The following ALOX15B variants were observed in gnomAD, a reference collection of about 807,000 sequenced individuals.
The protein encoded by ALOX15B is polyunsaturated fatty acid lipoxygenase ALOX15B.
Under a neutral mutation model 73.8 loss-of-function variants are expected in ALOX15B, and 74 were observed. That is an observed-to-expected ratio of 1.00 (90% confidence interval 0.83 to 1.22). ALOX15B has a LOEUF of 1.22. Among genes scored for constraint, ALOX15B ranks in the 50% most tolerant of loss-of-function variants. The pLI, the probability that ALOX15B is intolerant of heterozygous loss-of-function variation, is 0.00. For missense variants in ALOX15B, 896 were observed against 859.9 expected (o/e 1.04, Z -0.52); for synonymous variants, 353 against 357.2 (o/e 0.99, Z 0.13).
intron 3 of ALOX15B, among the ~76,000 whole-genome samples, chr17:8,040,337 G>A (rs1204674793): frequency 6.6e-6 from 1 of 151,974 alleles, no homozygotes; most frequent in East Asian, 1.9e-4. Context: ...TGGAGGTCGG[G>A]AGTTCGAGAC....
chr17:8,047,125 G>A, intron 10 of ALOX15B, 49 bp downstream of exon 10: 2 of 1,610,950 alleles, frequency 1.2e-6, no homozygotes, highest in Non-Finnish European at 1.7e-6. Context: ...GACGTGGGAA[G>A]ACAGGAAAGG....
chr17:8,044,769 C>A, intron 5 of ALOX15B, 60 bp from the exon 6 acceptor site: 3 of 1,209,350 alleles, frequency 2.5e-6, no homozygotes, highest in Non-Finnish European at 3.5e-6. Flanking sequence ...CCCGTGTCCC[C>A]CACCCCCTGC....
chr17:8,041,448 T>A lies in ALOX15B; in HGVS notation c.450-921T>A, dbSNP rs145018291. On this transcript the variant is annotated intron_variant, in intron 3 of 13. Transcript: ENST00000380183. ...ATAAAACGTACAGTGAGGTCTCAGA[T>A]CCATTGCAACAGCATTGCCTGGGAG... is the stretch of plus-strand genomic sequence containing the variant. Among the ~76,000 whole-genome samples, 288 of 152,318 alleles carry A rather than the reference T, an allele frequency of 1.9e-3. 1 individual carries two copies. The highest frequency in any genetic ancestry group is 2.0e-3 in the Non-Finnish European group (139 of 68,030).
At chr17:8,039,856 T>C in intron 2 of ALOX15B, 46 bp from the exon 3 acceptor site, 1 of 1,547,410 alleles carries the variant, frequency 6.5e-7, no homozygotes, top group Non-Finnish European at 8.9e-7. Flanking sequence ...GTGGTAGTGA[T>C]GGTGAGTTTC....
In ALOX15B at chr17:8,048,831, C is replaced by T. The variant is rs1320112295; in HGVS notation, c.*266C>T. On this transcript the variant is annotated 3_prime_UTR_variant, in exon 14 of 14. Transcript: ENST00000380183. ...TGGAGGCTCCAAGCCTCAAAGTGCCCGCAGAGCCCACCTTGAGGGTTTTGC... is the reference window on the plus strand; with the variant it reads ...TGGAGGCTCCAAGCCTCAAAGTGCCTGCAGAGCCCACCTTGAGGGTTTTGC... 3 of 364,638 alleles carry T rather than the reference C, an allele frequency of 8.2e-6. No individual in the cohort carries two copies. The highest frequency in any genetic ancestry group is 1.5e-5 in the Non-Finnish European group (3 of 204,422). 22.6% of individuals were successfully genotyped at this position (364,638 alleles called of 1,614,324 possible).
At chr17:8,048,349 A>G (rs1233325278) in intron 13 of ALOX15B, 37 bp from the exon 14 acceptor site, 1 of 1,587,110 alleles carries the variant, frequency 6.3e-7, no homozygotes, top group Non-Finnish European at 8.6e-7. Flanking sequence ...GCAGGACCTC[A>G]GCAGCCGCCT....
intron 3 of ALOX15B, among the ~76,000 whole-genome samples, chr17:8,040,644 AAAG>A (rs796373542): frequency 1.6e-4 from 19 of 122,516 alleles, no homozygotes; most frequent in African/African-American, 4.9e-4. Context: ...AGAAAGAAAG[AAAG>A]AAAGAAAAGA....
In ALOX15B at chr17:8,045,295, A is replaced by T. The variant is rs759226300; in HGVS notation, c.907A>T (p.Ile303Phe). The T allele has an allele frequency of 6.2e-7, 1 of 1,614,136 alleles. No individual in the cohort carries two copies. The highest frequency in any genetic ancestry group is 8.5e-7 in the Non-Finnish European group (1 of 1,180,030). The change falls in exon 7 of 14, where the codon ATT (isoleucine) becomes TTT (phenylalanine). Residue 303 changes from isoleucine to phenylalanine, a missense_variant. By Grantham distance (21) the Ile-to-Phe change is conservative. Coordinates refer to ENST00000380183, the MANE Select transcript of ALOX15B (RefSeq NM_001141.3). ...CCTCTCTGGCATCCAGACCAATGTC[A>T]TTAATGGGAAGCCTCAGTTCTCTGC... ...GILSGIQTNV[I>F]NGKPQFSAAP...
chr17:8,041,760 C>T (rs58520663), intron 3 of ALOX15B, among the ~76,000 whole-genome samples: 6,914 of 152,254 alleles, frequency 0.045, 179 homozygotes, highest in African/African-American at 0.062. Context: ...AGAGATGCCT[C>T]GGGCGGCTCC....
In ALOX15B at chr17:8,039,969, G is replaced by C. The variant is rs1304361750; in HGVS notation, c.435G>C (p.Arg145=). The change falls in exon 3 of 14, where the codon CGG becomes CGC. Residue 145 remains arginine (R), a synonymous_variant. Coordinates refer to ENST00000380183, the MANE Select transcript of ALOX15B (RefSeq NM_001141.3). ...AGCGCCAGGAGGAGCTTCAGGCCCGGCAGGAGATGTACCAGTGAGGAGGGG... is the reference window on the plus strand; with the variant it reads ...AGCGCCAGGAGGAGCTTCAGGCCCGCCAGGAGATGTACCAGTGAGGAGGGG... ...QQQRQEELQA[R]QEMYQWKAYN... 2 of 1,613,638 alleles carry C rather than the reference G, an allele frequency of 1.2e-6. No homozygotes were observed. Among genetic ancestry groups the C allele is most frequent in the Middle Eastern group, 3.3e-4 (2 of 6,054 alleles).
intron 3 of ALOX15B, 103 bp downstream of exon 3, chr17:8,040,086 C>G: frequency 9.2e-7 from 1 of 1,083,752 alleles, no homozygotes; most frequent in Non-Finnish European, 1.3e-6. Context: ...CTCCACCTCT[C>G]CTATCAAAGC....
intron 5 of ALOX15B, among the ~76,000 whole-genome samples, 160 bp downstream of exon 5, chr17:8,043,044 G>A (rs1302658141): frequency 6.6e-6 from 1 of 152,220 alleles, no homozygotes; most frequent in African/African-American, 2.4e-5. Context: ...GAATATGGAC[G>A]GAGGGGATCC....
chr17:8,046,232 T>C (rs932702437), intron 8 of ALOX15B, among the ~76,000 whole-genome samples: 3 of 152,232 alleles, frequency 2.0e-5, no homozygotes, highest in African/African-American at 4.8e-5. Context: ...GGCCCTACTC[T>C]GTGCTCTTCT....
At position 8,048,631 on chromosome 17, in the gene ALOX15B, C is replaced by G. The variant is rs555553664; in HGVS notation, c.*66C>G. On this transcript the variant is annotated 3_prime_UTR_variant, in exon 14 of 14. Transcript: ENST00000380183. ...ACATCGCTCTAGGATAACTGGCACC[C>G]AGAGAAAAGGACTCCTCAGAAAAAA... is the stretch of plus-strand genomic sequence containing the variant. The G allele has an allele frequency of 5.9e-6, 9 of 1,531,086 alleles. No homozygotes were observed. Among genetic ancestry groups the G allele is most frequent in the Admixed American group, 2.0e-5 (1 of 49,986 alleles). 94.8% of individuals were successfully genotyped at this position (1,531,086 alleles called of 1,614,324 possible). A position where few individuals can be genotyped will look rare whatever the true frequency, so the allele number is the denominator to read the frequency against.
chr17:8,044,778 G>GC, intron 5 of ALOX15B, 51 bp from the exon 6 acceptor site: 3 of 1,033,328 alleles, frequency 2.9e-6, no homozygotes, highest in Non-Finnish European at 3.9e-6. Context: ...CCCACCCCCT[G>GC]CAAAGCACGC....
At position 8,048,894 on chromosome 17, in the gene ALOX15B, A is replaced by G; in HGVS notation, c.*329A>G. On this transcript the variant is annotated 3_prime_UTR_variant, in exon 14 of 14. Coordinates refer to ENST00000380183, the MANE Select transcript of ALOX15B (RefSeq NM_001141.3). ...TTTTGCGTTTTACAGCCGTGGGGGG[A>G]AGCACATAATCCCGCCCCAGGGCCC... 1 of 210,256 alleles carries G rather than the reference A, an allele frequency of 4.8e-6. No homozygotes were observed. Among genetic ancestry groups the G allele is most frequent in the Non-Finnish European group, 9.5e-6 (1 of 105,568 alleles). The allele number at this position is 210,256 out of a possible 1,614,324, so 13.0% of individuals were successfully genotyped here.
intron 8 of ALOX15B, 140 bp downstream of exon 8, chr17:8,045,826 C>G (rs577668101): frequency 1.1e-6 from 1 of 909,016 alleles, no homozygotes; most frequent in Non-Finnish European, 1.7e-6. Flanking sequence ...TGGCACAACT[C>G]CCCTGGAAGC....
At chr17:8,041,416 G>A (rs922237724) in intron 3 of ALOX15B, among the ~76,000 whole-genome samples, 24 of 152,132 alleles carry the variant, frequency 1.6e-4, no homozygotes, top group African/African-American at 5.8e-4. Flanking sequence ...CAACACTCTA[G>A]GCTCTTATAA....
At chr17:8,047,520 C>T (rs1412305600) in intron 11 of ALOX15B, 44 bp from the exon 12 acceptor site, 1 of 1,572,848 alleles carries the variant, frequency 6.4e-7, no homozygotes, top group South Asian at 1.1e-5. Context: ...CAGCAGGGTC[C>T]TCAGGTCCCT....
Sources: gnomAD v4.1 joint callset for allele counts (sites outside exome capture counted in the v4.1 genomes callset) on GRCh38, gnomAD v4.1.1 for gene constraint, MANE v1.5 for transcripts, NCBI Gene and HGNC (gene_info 2026-07-23, HGNC 2026-07-21) for gene names.